Variants in DPP10 observed in about 807,000 individuals in gnomAD.
DPP10 encodes inactive dipeptidyl peptidase 10.
In DPP10, 33 loss-of-function variants were observed where a neutral mutation model predicts 120.9. That is an observed-to-expected ratio of 0.27 (90% CI 0.21 to 0.37). The LOEUF is 0.37. DPP10 is among the 10% of genes least tolerant of loss of function. The probability of loss-of-function intolerance (pLI) is 1.00; values close to 1 mark genes in which losing one functional copy is unlikely to be tolerated. For missense variants in DPP10, 816 were observed against 942.8 expected, an observed-to-expected ratio of 0.87 and a Z score of 1.76; for synonymous variants, 337 against 326.1, an observed-to-expected ratio of 1.03 and a Z score of -0.36.
chr2:114,447,427 A>C (rs1678006237), intron 1 of DPP10, among the ~76,000 whole-genome samples: 1 of 152,186 alleles, frequency 6.6e-6, no homozygotes, highest in African/African-American at 2.4e-5. Context: ...AATTATATCC[A>C]CAAAAATTTA....
chr2:115,736,012 T>A (rs1010038800), intron 8 of DPP10, among the ~76,000 whole-genome samples: 3 of 152,096 alleles, frequency 2.0e-5, no homozygotes, highest in African/African-American at 7.2e-5. Flanking sequence ...GCTTAGTAAC[T>A]GTGTTTTGTC....
At chr2:114,660,950 G>A (rs1181563700) in intron 1 of DPP10, among the ~76,000 whole-genome samples, 1 of 152,126 alleles carries the variant, frequency 6.6e-6, no homozygotes, top group East Asian at 1.9e-4. Flanking sequence ...AATGTGAAAT[G>A]AATATTTAAA....
intron 1 of DPP10, among the ~76,000 whole-genome samples, chr2:115,103,818 T>C (rs2104635879): frequency 6.6e-6 from 1 of 152,304 alleles, no homozygotes; most frequent in Non-Finnish European, 1.5e-5. Flanking sequence ...ATTAGTTTGC[T>C]TTGCTCTGCT....
At chr2:115,616,051 A>G (rs2084469174) in intron 5 of DPP10, among the ~76,000 whole-genome samples, 1 of 152,156 alleles carries the variant, frequency 6.6e-6, no homozygotes, top group African/African-American at 2.4e-5. Flanking sequence ...ATGAATTAAG[A>G]AAGTTACTCA....
chr2:115,373,155 A>G (rs2065538982), intron 3 of DPP10, among the ~76,000 whole-genome samples: 1 of 152,210 alleles, frequency 6.6e-6, no homozygotes, highest in Non-Finnish European at 1.5e-5. Context: ...AGTAGAAGCA[A>G]TAGCTCTTTA....
chr2:115,082,330 G>A (rs188156464), intron 1 of DPP10, among the ~76,000 whole-genome samples: 1 of 152,080 alleles, frequency 6.6e-6, no homozygotes, highest in Non-Finnish European at 1.5e-5. Context: ...GCCAGGCTTC[G>A]TGCTCTTTTA....
chr2:114,800,524 A>G (rs1684101167), intron 1 of DPP10, among the ~76,000 whole-genome samples: 1 of 152,228 alleles, frequency 6.6e-6, no homozygotes, highest in African/African-American at 2.4e-5. Context: ...AAAGAGTCTT[A>G]CAAGGAAGAC....
intron 1 of DPP10, among the ~76,000 whole-genome samples, chr2:114,461,384 C>G (rs143253605): frequency 4.4e-4 from 67 of 152,260 alleles, no homozygotes; most frequent in African/African-American, 1.6e-3. Flanking sequence ...AGGCGCCAAG[C>G]CTGCAAATTC....
intron 1 of DPP10, among the ~76,000 whole-genome samples, chr2:115,145,191 G>A (rs2051155830): frequency 6.6e-6 from 1 of 152,036 alleles, no homozygotes; most frequent in Admixed American, 6.6e-5. Context: ...ATGAATGGAA[G>A]AAAGAGATAA....
At chr2:115,183,450 A>G (rs2054219041) in intron 1 of DPP10, among the ~76,000 whole-genome samples, 1 of 152,096 alleles carries the variant, frequency 6.6e-6, no homozygotes, top group Non-Finnish European at 1.5e-5. Flanking sequence ...TTACCTGTTT[A>G]CTGGTGTCTC....
chr2:115,390,373 G>A (rs141915755), intron 3 of DPP10, among the ~76,000 whole-genome samples: 28 of 152,230 alleles, frequency 1.8e-4, no homozygotes, highest in African/African-American at 6.5e-4. Flanking sequence ...TCTGCCAAAC[G>A]AGAGATGGCA....
At position 115,226,801 on chromosome 2, in the gene DPP10, T is replaced by G. The variant is rs528777476; in HGVS notation, c.61-82438T>G. Among the ~76,000 whole-genome samples the G allele has an allele frequency of 1.4e-3, 217 of 152,296 alleles. 1 individual carries two copies. The highest frequency in any genetic ancestry group is 2.5e-3 in the Non-Finnish European group (170 of 68,008). ...AAATTGATTTCAGAGCAAAGTTTCT[T>G]GTTTCAGATTACTTGTTTGGATCTC... On this transcript the variant is annotated intron_variant, in intron 1 of 25. Coordinates refer to ENST00000410059, the MANE Select transcript of DPP10 (RefSeq NM_020868.6).
chr2:115,556,825 G>A (rs1026966269), intron 5 of DPP10, among the ~76,000 whole-genome samples: 2 of 152,112 alleles, frequency 1.3e-5, no homozygotes, highest in Non-Finnish European at 2.9e-5. Flanking sequence ...AAAACTGATA[G>A]AAGAGCTTTC....
At chr2:114,869,185 G>A (rs1254392832) in intron 1 of DPP10, among the ~76,000 whole-genome samples, 2 of 151,992 alleles carry the variant, frequency 1.3e-5, no homozygotes, top group African/African-American at 4.8e-5. Flanking sequence ...TACGAACTAC[G>A]AAATATTGTG....
chr2:115,751,341 A>C (rs1169008706), intron 10 of DPP10, among the ~76,000 whole-genome samples: 1 of 152,210 alleles, frequency 6.6e-6, no homozygotes, highest in Non-Finnish European at 1.5e-5. Flanking sequence ...AGTGAAAGTG[A>C]ACAGGACACT....
intron 18 of DPP10, 44 bp downstream of exon 18, chr2:115,791,223 T>G: frequency 6.2e-7 from 1 of 1,606,262 alleles, no homozygotes; most frequent in Non-Finnish European, 8.5e-7. Flanking sequence ...CAACTTTCTC[T>G]GCGTCTTATA....
intron 1 of DPP10, among the ~76,000 whole-genome samples, chr2:114,661,754 A>G (rs1697420906): frequency 6.6e-6 from 1 of 152,220 alleles, no homozygotes. Flanking sequence ...TGGCATTTGG[A>G]CACTCAGTAA....
chr2:115,278,682 TAACA>T (rs568462134), intron 1 of DPP10, among the ~76,000 whole-genome samples: 80 of 152,098 alleles, frequency 5.3e-4, no homozygotes, highest in African/African-American at 1.7e-3. Flanking sequence ...AGGCTATTTT[TAACA>T]AACACTTCCC....
intron 5 of DPP10, among the ~76,000 whole-genome samples, chr2:115,571,405 C>A (rs1362857553): frequency 6.6e-6 from 1 of 152,042 alleles, no homozygotes; most frequent in African/African-American, 2.4e-5. Flanking sequence ...TAGTAGTCAC[C>A]AGTTTCTATT....
Sources: gnomAD v4.1 joint callset for allele counts (sites outside exome capture counted in the v4.1 genomes callset) on GRCh38, gnomAD v4.1.1 for gene constraint, MANE v1.5 for transcripts, NCBI Gene and HGNC (gene_info 2026-07-23, HGNC 2026-07-21) for gene names.